CSMD1: variants seen among roughly 807,000 people sequenced by gnomAD.
CSMD1 encodes the protein CUB and Sushi multiple domains 1, also known as CUB and sushi domain-containing protein 1.
CSMD1 carries 213 observed loss-of-function variants against 417.5 expected under a neutral mutation model. The ratio of observed to expected loss-of-function variants is 0.51; its 90% CI spans 0.46 to 0.57. CSMD1 has a LOEUF of 0.57. CSMD1 is among the 20% of genes least tolerant of loss of function. CSMD1 has a pLI of 0.00. For missense variants in CSMD1, 6,923 were observed against 4,529.7 expected (o/e 1.53, Z -15.17); for synonymous variants, 2,862 against 1,736.8 (o/e 1.65, Z -16.11).
chr8:4,028,001 T>C (rs1006207743), intron 4 of CSMD1, among the ~76,000 whole-genome samples: 30 of 152,176 alleles, frequency 2.0e-4, no homozygotes, highest in African/African-American at 6.3e-4. Context: ...GATCAATTAA[T>C]TGAGAACAGT....
chr8:4,810,582 T>C (rs1798842049), intron 1 of CSMD1, among the ~76,000 whole-genome samples: 1 of 152,212 alleles, frequency 6.6e-6, no homozygotes, highest in Non-Finnish European at 1.5e-5. Flanking sequence ...GTGGTGGCTG[T>C]GTGTCTGTAT....
chr8:4,904,621 C>G (rs753645958), intron 1 of CSMD1, among the ~76,000 whole-genome samples: 1 of 152,026 alleles, frequency 6.6e-6, no homozygotes, highest in Non-Finnish European at 1.5e-5. Context: ...AGCCAGGGAG[C>G]GCCCAACCAT....
At position 3,359,253 on chromosome 8, in the gene CSMD1, G is replaced by T. The variant is rs373654565; in HGVS notation, c.3203C>A (p.Thr1068Lys). ...GFHFGVGDSL[T>K]FSCFLGYRLE... ...ACGATATCCCAGGAAGCAGGAAAAC[G>T]TCAGAGAGTCTCCCACACCAAAGTG... Residue 1068 changes from threonine to lysine, a missense_variant, in exon 21 of 70, where the codon ACG becomes AAG. By Grantham distance (78) the Thr-to-Lys change is moderately conservative. Coordinates refer to ENST00000635120, the MANE Select transcript of CSMD1 (RefSeq NM_033225.6). 1.9e-6 allele frequency: 3 copies of T among 1,613,818 alleles called. No individual in the cohort carries two copies. Among genetic ancestry groups the T allele is most frequent in the Non-Finnish European group, 2.5e-6 (3 of 1,179,822 alleles).
intron 10 of CSMD1, among the ~76,000 whole-genome samples, chr8:3,536,461 G>A (rs1366525813): frequency 1.3e-5 from 2 of 152,170 alleles, no homozygotes. Context: ...GAGTGAAGTT[G>A]GGCCAGGTTT....
intron 11 of CSMD1, among the ~76,000 whole-genome samples, chr8:3,476,004 A>G (rs1817391318): frequency 6.6e-6 from 1 of 152,166 alleles, no homozygotes; most frequent in Admixed American, 6.5e-5. Flanking sequence ...TTCCCTTTGC[A>G]CCTTGCTAAA....
intron 51 of CSMD1, among the ~76,000 whole-genome samples, chr8:3,028,282 T>A (rs1810092725): frequency 6.6e-6 from 1 of 152,064 alleles, no homozygotes; most frequent in Admixed American, 6.6e-5. Flanking sequence ...AATGCTGGAA[T>A]CTCCAGGTGA....
At chr8:4,421,796 A>G (rs926145368) in intron 2 of CSMD1, among the ~76,000 whole-genome samples, 5 of 151,958 alleles carry the variant, frequency 3.3e-5, no homozygotes, top group African/African-American at 9.7e-5. Context: ...AAAAAAAACT[A>G]AAGCAAACAG....
At chr8:3,687,466 G>A (rs1453408714) in intron 7 of CSMD1, among the ~76,000 whole-genome samples, 4 of 152,206 alleles carry the variant, frequency 2.6e-5, no homozygotes, top group East Asian at 1.9e-4. Flanking sequence ...TATTGAGAAA[G>A]CAATAAAACA....
At chr8:4,254,029 G>A (rs189418010) in intron 3 of CSMD1, among the ~76,000 whole-genome samples, 5 of 140,954 alleles carry the variant, frequency 3.5e-5, no homozygotes, top group East Asian at 4.3e-4. Context: ...CCATTCTCCC[G>A]CCTCAGCCTC....
intron 3 of CSMD1, among the ~76,000 whole-genome samples, chr8:4,055,693 G>C (rs1798655258): frequency 6.6e-6 from 1 of 152,012 alleles, no homozygotes; most frequent in African/African-American, 2.4e-5. Context: ...AATATACTTT[G>C]AAAAATCACC....
chr8:3,122,516 C>G (rs1817265813), intron 41 of CSMD1, among the ~76,000 whole-genome samples: 1 of 152,160 alleles, frequency 6.6e-6, no homozygotes, highest in South Asian at 2.1e-4. Context: ...CCACCCAAAT[C>G]TCAACTTGAA....
At chr8:4,441,280 T>G (rs2129689514) in intron 2 of CSMD1, among the ~76,000 whole-genome samples, 1 of 144,970 alleles carries the variant, frequency 6.9e-6, no homozygotes, top group Non-Finnish European at 1.5e-5. Context: ...TTTTTTTTTT[T>G]TTGGTGGGGG....
At chr8:3,152,591 T>C (rs533664646) in intron 39 of CSMD1, among the ~76,000 whole-genome samples, 5 of 152,332 alleles carry the variant, frequency 3.3e-5, no homozygotes, top group East Asian at 3.9e-4. Flanking sequence ...CTAGTGAATA[T>C]GGTGATTGCT....
intron 7 of CSMD1, among the ~76,000 whole-genome samples, chr8:3,658,970 G>C (rs1798269168): frequency 6.6e-6 from 1 of 152,104 alleles, no homozygotes; most frequent in South Asian, 2.1e-4. Context: ...TGCTAGGAAT[G>C]ACCTAATATT....
At chr8:3,446,466 A>C (rs12678935) in intron 12 of CSMD1, among the ~76,000 whole-genome samples, 18,473 of 152,222 alleles carry the variant, frequency 0.12, 1,185 homozygotes, top group Middle Eastern at 0.16. Context: ...GTAGATAATG[A>C]AACTGATGAT....
chr8:3,838,927 T>C (rs1802906116), intron 5 of CSMD1, among the ~76,000 whole-genome samples: 1 of 49,918 alleles, frequency 2.0e-5, no homozygotes, highest in East Asian at 3.6e-4. Flanking sequence ...ATAGTCTCTC[T>C]ATTTATATAT....
chr8:4,894,032 A>G (rs1030162328), intron 1 of CSMD1, among the ~76,000 whole-genome samples: 1 of 137,794 alleles, frequency 7.3e-6, no homozygotes, highest in Non-Finnish European at 1.6e-5. Context: ...TTTCTCTTTG[A>G]TTTATTTTGT....
intron 1 of CSMD1, among the ~76,000 whole-genome samples, chr8:4,921,834 A>G (rs549359596): frequency 6.6e-6 from 1 of 152,316 alleles, no homozygotes; most frequent in South Asian, 2.1e-4. Flanking sequence ...TAAAAGTTCA[A>G]GGGAACGTTA....
intron 3 of CSMD1, among the ~76,000 whole-genome samples, chr8:4,326,310 G>C (rs1048280981): frequency 3.9e-5 from 6 of 152,152 alleles, no homozygotes; most frequent in African/African-American, 7.2e-5. Context: ...CAGCGGATAA[G>C]TCCTTTGAAA....
Sources: gnomAD v4.1 joint callset for allele counts (sites outside exome capture counted in the v4.1 genomes callset) on GRCh38, gnomAD v4.1.1 for gene constraint, MANE v1.5 for transcripts, NCBI Gene and HGNC (gene_info 2026-07-23, HGNC 2026-07-21) for gene names.